The following ULK4 variants were observed in gnomAD, a reference collection of about 807,000 sequenced individuals.
ULK4 encodes inactive serine/threonine-protein kinase ULK4.
In ULK4, 133 loss-of-function variants were observed where a neutral mutation model predicts 160.6. That is an observed-to-expected ratio of 0.83 (90% CI 0.72 to 0.96). The LOEUF (loss-of-function observed/expected upper bound fraction) is 0.96, where lower values mean the gene tolerates loss of function less well. Among genes scored for constraint, ULK4 ranks in the 40% least tolerant of loss-of-function variants. ULK4 has a pLI of 0.00. For missense variants in ULK4, 1,580 were observed against 1,499.5 expected, an observed-to-expected ratio of 1.05 and a Z score of -0.89; for synonymous variants, 534 against 539.8, an observed-to-expected ratio of 0.99 and a Z score of 0.15.
chr3:41,810,132 AG>A (rs1250719832), intron 19 of ULK4, among the ~76,000 whole-genome samples: 1 of 152,212 alleles, frequency 6.6e-6, no homozygotes, highest in African/African-American at 2.4e-5. Flanking sequence ...GGTATAGGAA[AG>A]ACACTGCCCT....
chr3:41,831,231 G>C (rs1394216648), intron 18 of ULK4, among the ~76,000 whole-genome samples: 1 of 151,760 alleles, frequency 6.6e-6, no homozygotes, highest in East Asian at 1.9e-4. Context: ...TCACCATGTT[G>C]ACCAGGGCGG....
At chr3:41,766,840 G>C (rs2039178220) in intron 21 of ULK4, 1 of 152,208 alleles carries the variant, frequency 6.6e-6, no homozygotes, top group African/African-American at 2.4e-5. Context: ...GGGGACATCT[G>C]CCTAGCCAGT....
chr3:41,852,711 G>C (rs1299852272), intron 17 of ULK4, among the ~76,000 whole-genome samples: 1 of 152,096 alleles, frequency 6.6e-6, no homozygotes, highest in Admixed American at 6.6e-5. Context: ...CAGGTGGATG[G>C]GGGGAGATGT....
At chr3:41,845,506 C>T (rs952353177) in intron 17 of ULK4, among the ~76,000 whole-genome samples, 4 of 152,148 alleles carry the variant, frequency 2.6e-5, no homozygotes, top group East Asian at 1.9e-4. Flanking sequence ...AGATTGGCTT[C>T]GGGGGTGGAG....
intron 32 of ULK4, among the ~76,000 whole-genome samples, chr3:41,561,790 G>T (rs142129938): frequency 6.6e-6 from 1 of 151,842 alleles, no homozygotes; most frequent in Non-Finnish European, 1.5e-5. Context: ...CTATTAAGTC[G>T]TTGATCTTTT....
At chr3:41,374,857 G>A (rs1057388390) in intron 35 of ULK4, among the ~76,000 whole-genome samples, 1 of 152,186 alleles carries the variant, frequency 6.6e-6, no homozygotes, top group Non-Finnish European at 1.5e-5. Flanking sequence ...ATCTCCGTTT[G>A]CACATGACAT....
At position 41,340,440 on chromosome 3, in the gene ULK4, G is replaced by T. The variant is rs193157411; in HGVS notation, c.3678+57639C>A. Among the ~76,000 whole-genome samples, 354 of 152,320 alleles carry T rather than the reference G, an allele frequency of 2.3e-3. 3 individuals carry two copies. Among genetic ancestry groups the T allele is most frequent in the African/African-American group, 8.0e-3 (332 of 41,564 alleles). On this transcript the variant is annotated intron_variant, in intron 35 of 36. Transcript: ENST00000301831. The stretch of plus-strand genomic sequence containing the variant: ...ATGCACTGGCTATGTGACCTTGGGT[G>T]GGGGTCATTTCTCCTTTGCATTCAT...
intron 34 of ULK4, among the ~76,000 whole-genome samples, chr3:41,399,164 G>A (rs879367813): frequency 1.3e-5 from 2 of 152,104 alleles, no homozygotes; most frequent in Non-Finnish European, 2.9e-5. Flanking sequence ...ACTAACACTT[G>A]TTATTATCTG....
At chr3:41,605,381 G>C (rs777302575) in intron 31 of ULK4, among the ~76,000 whole-genome samples, 1 of 151,546 alleles carries the variant, frequency 6.6e-6, no homozygotes, top group Non-Finnish European at 1.5e-5. Flanking sequence ...GAATATAAAG[G>C]CATAAATAGG....
chr3:41,281,393 AAATCCTCAATAAAATATTGGGAAATGG>A (rs1188423008), intron 35 of ULK4, among the ~76,000 whole-genome samples: 6 of 152,230 alleles, frequency 3.9e-5, no homozygotes, highest in Middle Eastern at 3.2e-3. Context: ...ATCAATGTGA[AAATCCTCAATAAAATATTGGGAAATGG>A]AATCCAGCAG....
chr3:41,767,105 G>A (rs570251940), intron 21 of ULK4, among the ~76,000 whole-genome samples: 7 of 152,234 alleles, frequency 4.6e-5, no homozygotes, highest in Admixed American at 2.0e-4. Context: ...ATTAGCAGGT[G>A]GATAAGGATA....
intron 27 of ULK4, among the ~76,000 whole-genome samples, chr3:41,683,437 G>A (rs1465683172): frequency 6.6e-6 from 1 of 151,868 alleles, no homozygotes; most frequent in African/African-American, 2.4e-5. Flanking sequence ...GGAGGCATGT[G>A]AGCCAGCAGG....
intron 8 of ULK4, among the ~76,000 whole-genome samples, chr3:41,915,726 G>C (rs1465556023): frequency 2.0e-5 from 3 of 152,168 alleles, no homozygotes; most frequent in Non-Finnish European, 4.4e-5. Context: ...TACATGAAAA[G>C]AGAAACTGAC....
At position 41,935,786 on chromosome 3, in the gene ULK4, A is replaced by C. The variant is rs753235217; in HGVS notation, c.378+15T>G. 2 of 1,593,514 alleles carry C rather than the reference A, an allele frequency of 1.3e-6. No homozygotes were observed. The highest frequency in any genetic ancestry group is 1.7e-6 in the Non-Finnish European group (2 of 1,172,712). Reference sequence around the variant, plus strand: ...GACAGAAGCAGTTAGAAAATCAAAAACTTTCATGAATTACCTTCCTAGGAG... The same window carrying C: ...GACAGAAGCAGTTAGAAAATCAAAACCTTTCATGAATTACCTTCCTAGGAG... On this transcript the variant is annotated intron_variant, in intron 4 of 36. Coordinates refer to ENST00000301831, the MANE Select transcript of ULK4 (RefSeq NM_017886.4).
intron 35 of ULK4, among the ~76,000 whole-genome samples, chr3:41,327,712 A>C (rs1436728843): frequency 6.6e-6 from 1 of 152,210 alleles, no homozygotes; most frequent in East Asian, 1.9e-4. Flanking sequence ...AGTGATGCTA[A>C]TTAGGATGAT....
At chr3:41,895,943 T>C (rs1698135775) in intron 15 of ULK4, among the ~76,000 whole-genome samples, 2 of 152,138 alleles carry the variant, frequency 1.3e-5, no homozygotes, top group South Asian at 4.1e-4. Flanking sequence ...GTAATTCCTC[T>C]CTGAGGATGA....
chr3:41,705,748 G>T (rs1019433216), intron 25 of ULK4, among the ~76,000 whole-genome samples: 6 of 152,056 alleles, frequency 3.9e-5, no homozygotes, highest in South Asian at 4.1e-4. Flanking sequence ...ACCTGCCTCG[G>T]CCTCCCAAAG....
chr3:41,945,523 C>A (rs1700086777), intron 2 of ULK4, among the ~76,000 whole-genome samples: 2 of 152,188 alleles, frequency 1.3e-5, no homozygotes, highest in Admixed American at 1.3e-4. Flanking sequence ...GCTGGGTCCT[C>A]CTTCTCCTTA....
At chr3:41,643,543 T>G (rs2125722320) in intron 30 of ULK4, among the ~76,000 whole-genome samples, 1 of 152,340 alleles carries the variant, frequency 6.6e-6, no homozygotes, top group South Asian at 2.1e-4. Context: ...TCTGTTCCAT[T>G]GATCTATATC....
Sources: gnomAD v4.1 joint callset for allele counts (sites outside exome capture counted in the v4.1 genomes callset) on GRCh38, gnomAD v4.1.1 for gene constraint, MANE v1.5 for transcripts, NCBI Gene and HGNC (gene_info 2026-07-23, HGNC 2026-07-21) for gene names.